ANKLE2: variants seen among roughly 807,000 people sequenced by gnomAD.
ANKLE2 encodes ankyrin repeat and LEM domain-containing protein 2.
A neutral mutation model predicts 84.2 loss-of-function variants in ANKLE2; 55 were observed. The observed-to-expected ratio is 0.65, with a 90% confidence interval of 0.53 to 0.82. The LOEUF (loss-of-function observed/expected upper bound fraction) is 0.82. Among genes scored for constraint, ANKLE2 ranks in the 40% least tolerant of loss-of-function variants. ANKLE2 has a pLI of 0.00. For synonymous variants in ANKLE2, 551 were observed against 486.1 expected (o/e 1.13, Z -1.76); for missense variants, 1,238 against 1,201.9 (o/e 1.03, Z -0.44).
rs868653360 is a variant in ANKLE2 at position 132,747,837 on chromosome 12, T to G, written c.1225A>C (p.Lys409Gln). The change falls in exon 5 of 13, where the codon AAG becomes CAG. Residue 409 changes from lysine (K) to glutamine (Q), a missense_variant. Coordinates refer to ENST00000357997, the MANE Select transcript of ANKLE2 (RefSeq NM_015114.3). ...AGTGGAGGGTGTGCACGCACCATCTTGTCGGGGGTGTTGAGGTACAGGTCC... is the reference window on the plus strand; with the variant it reads ...AGTGGAGGGTGTGCACGCACCATCTGGTCGGGGGTGTTGAGGTACAGGTCC... ...VVDLYLNTPD[K>Q]MGYDTPLHFA... 2 of 1,598,726 alleles carry G rather than the reference T, an allele frequency of 1.3e-6. No homozygotes were observed. The highest frequency in any genetic ancestry group is 3.3e-4 in the Middle Eastern group (2 of 6,002).
intron 2 of ANKLE2, among the ~76,000 whole-genome samples, chr12:132,753,371 T>C (rs1292789969): frequency 6.6e-6 from 1 of 150,868 alleles, no homozygotes; most frequent in East Asian, 1.9e-4. Flanking sequence ...TGCTGGTGTG[T>C]GCCTGTAATC....
rs929313058 is a variant in ANKLE2 at position 132,743,755 on chromosome 12, A to C, written c.1231-479T>G. Among the ~76,000 whole-genome samples the C allele has an allele frequency of 6.6e-6, 1 of 152,188 alleles. No individual in the cohort carries two copies. The highest frequency in any genetic ancestry group is 1.9e-4 in the East Asian group (1 of 5,202). ...TTCTAGCACATACCCACTTCGTGCCAAGGCTTGAGCTTAGCATACTGACCT... is the reference window on the plus strand; with the variant it reads ...TTCTAGCACATACCCACTTCGTGCCCAGGCTTGAGCTTAGCATACTGACCT... On this transcript the variant is annotated intron_variant, in intron 5 of 12. Coordinates refer to ENST00000357997, the MANE Select transcript of ANKLE2 (RefSeq NM_015114.3). This position sits in a 1 kb window ranked among gnomAD's most constrained non-coding sequence, Gnocchi z 4.1.
At chr12:132,758,849 C>T (rs2044538735) in intron 1 of ANKLE2, 1 of 152,138 alleles carries the variant, frequency 6.6e-6, no homozygotes, top group African/African-American at 2.4e-5. Context: ...ACTGGCTTTT[C>T]CTATTCAGCA....
rs202029547 is a variant in ANKLE2 at position 132,735,461 on chromosome 12, A to C, written c.1645T>G (p.Phe549Val). The C allele has an allele frequency of 3.4e-5, 55 of 1,613,990 alleles. No individual in the cohort carries two copies. In the Admixed American group the frequency reaches 4.8e-4, roughly 14 times the overall value. The change falls in exon 9 of 13, where the codon TTC becomes GTC. Residue 549 changes from phenylalanine (F) to valine (V), a missense_variant. Transcript: ENST00000357997. ...WKTPPREKAG[F>V]LHHVKKSDPE... ...TCCGACTTCTTGACGTGGTGAAGGA[A>C]GCCTGCTTTCTCTCGAGGTGGAGTT...
chr12:132,747,777 G>C, intron 5 of ANKLE2, 55 bp downstream of exon 5: 3 of 1,558,902 alleles, frequency 1.9e-6, no homozygotes, highest in Non-Finnish European at 2.6e-6. Flanking sequence ...TTCTTTTGGG[G>C]AAAGACTTTT....
intron 8 of ANKLE2, among the ~76,000 whole-genome samples, chr12:132,736,186 G>A (rs934106159): frequency 5.3e-5 from 8 of 152,154 alleles, no homozygotes; most frequent in African/African-American, 1.7e-4. Context: ...TCCTGACCTC[G>A]TGATCCACCC....
intron 10 of ANKLE2, chr12:132,731,459 G>A (rs1352549212): frequency 6.6e-6 from 1 of 152,000 alleles, no homozygotes; most frequent in Non-Finnish European, 1.5e-5. Flanking sequence ...TTTTATAAAT[G>A]AAGTGTCTTG....
In ANKLE2 at chr12:132,743,185, G is replaced by A. The variant is rs2044165900; in HGVS notation, c.1322C>T (p.Ser441Leu). 1.2e-6 allele frequency: 2 copies of A among 1,610,176 alleles called. No homozygotes were observed. Among genetic ancestry groups the A allele is most frequent in the Non-Finnish European group, 1.7e-6 (2 of 1,178,118 alleles). The change falls in exon 6 of 13, where the codon TCA becomes TTA. Residue 441 changes from serine (S) to leucine (L), a missense_variant. Ser to Leu is a moderately radical substitution (Grantham distance 145). Coordinates refer to ENST00000357997, the MANE Select transcript of ANKLE2 (RefSeq NM_015114.3). This position sits in a 1 kb window ranked among gnomAD's most constrained non-coding sequence, Gnocchi z 4.1. ...AGGTGTTTTATCATATTTATTCCTT[G>A]AGTTTTTTACAATCAAATGGTGTGA... Reference protein sequence around the residue: ...LSSHHLIVKNSRNKYDKTPED... With the variant: ...LSSHHLIVKNLRNKYDKTPED...
chr12:132,760,477 A>G (rs1446715203), intron 1 of ANKLE2: 1 of 152,022 alleles, frequency 6.6e-6, no homozygotes, highest in Non-Finnish European at 1.5e-5. Flanking sequence ...ACTGCCCCCC[A>G]CTTCCAGTGC....
rs550673728 is a variant in ANKLE2 at position 132,727,397 on chromosome 12, C to T, written c.2662G>A (p.Asp888Asn). The T allele has an allele frequency of 1.3e-6, 2 of 1,561,510 alleles. No individual in the cohort carries two copies. The highest frequency in any genetic ancestry group is 8.7e-7 in the Non-Finnish European group (1 of 1,152,722). The change falls in exon 13 of 13, where the codon GAT becomes AAT. Residue 888 changes from aspartate to asparagine, a missense_variant. Asp to Asn is a conservative substitution (Grantham distance 23). This residue lies in a region of ANKLE2 where 802 missense variants were observed against 774.5 expected (regional missense o/e 1.04). Coordinates refer to ENST00000357997, the MANE Select transcript of ANKLE2 (RefSeq NM_015114.3). ...VKGRFKSQLP[D>N]LSGPHSYSPG... ...CTGTAGCTGTGAGGGCCACTGAGAT[C>T]TGGCAGCTGAGACTTGAACCTTCCT...
At chr12:132,735,282 G>T in intron 9 of ANKLE2, 124 bp downstream of exon 9, 1 of 899,402 alleles carries the variant, frequency 1.1e-6, no homozygotes, top group South Asian at 1.4e-5. Flanking sequence ...TCACGAAAAG[G>T]ACCAAGTCTC....
At chr12:132,741,536 TATC>T in intron 6 of ANKLE2, 51 bp from the exon 7 acceptor site, 1 of 1,531,516 alleles carries the variant, frequency 6.5e-7, no homozygotes, top group Non-Finnish European at 9.0e-7. Context: ...AACATTTCCT[TATC>T]ATTACAATGA....
At chr12:132,761,367 G>C in intron 1 of ANKLE2, 2 of 318,844 alleles carry the variant, frequency 6.3e-6, no homozygotes, top group Non-Finnish European at 1.1e-5. Context: ...CCCGGAGGCT[G>C]CTCCAGGGCC....
In ANKLE2 at chr12:132,743,275, C is replaced by T; in HGVS notation, c.1232G>A (p.Gly411Asp). The change falls in exon 6 of 13, where the codon GGC becomes GAC. Residue 411 changes from glycine to aspartate, a missense_variant and splice_region_variant. Gly to Asp is a moderately conservative substitution (Grantham distance 94, BLOSUM62 -1). Transcript: ENST00000357997. The surrounding 1 kb of genome is among the most constrained non-coding windows in gnomAD (Gnocchi z 4.1). ...DLYLNTPDKM[G>D]YDTPLHFACK... ...AGCAAAATGCAACGGTGTGTCATAG[C>T]CCTGAAAAAAGGTGCAGAGGAAGTA... 1 of 1,601,400 alleles carries T rather than the reference C, an allele frequency of 6.2e-7. No homozygotes were observed. Among genetic ancestry groups the T allele is most frequent in the Non-Finnish European group, 8.5e-7 (1 of 1,173,204 alleles).
intron 6 of ANKLE2, chr12:132,741,797 C>T: frequency 2.0e-6 from 1 of 509,228 alleles, no homozygotes; most frequent in South Asian, 1.5e-5. Flanking sequence ...AGCACGTGAA[C>T]ATGTTTCTAA....
At chr12:132,752,006 A>T (rs2044367640) in intron 2 of ANKLE2, among the ~76,000 whole-genome samples, 3 of 152,218 alleles carry the variant, frequency 2.0e-5, no homozygotes, top group African/African-American at 7.2e-5. Flanking sequence ...AAAATTTATG[A>T]ACAATGTAAC....
intron 10 of ANKLE2, among the ~76,000 whole-genome samples, chr12:132,732,688 G>T (rs1431712491): frequency 1.9e-5 from 2 of 104,286 alleles, no homozygotes; most frequent in African/African-American, 7.3e-5. Context: ...AGCTCTCTGC[G>T]TCCTGGTGTC....
chr12:132,744,822 AG>A (rs1465196045), intron 5 of ANKLE2, among the ~76,000 whole-genome samples: 3 of 152,092 alleles, frequency 2.0e-5, no homozygotes, highest in Non-Finnish European at 4.4e-5. Flanking sequence ...CTGGGACTAC[AG>A]GTGCCCGCCA....
chr12:132,747,683 G>T, intron 5 of ANKLE2, 149 bp downstream of exon 5: 1 of 1,007,184 alleles, frequency 9.9e-7, no homozygotes, highest in Non-Finnish European at 1.4e-6. Flanking sequence ...AGTGGGATGT[G>T]GTAAGAAGGC....
Sources: gnomAD v4.1 joint callset for allele counts (sites outside exome capture counted in the v4.1 genomes callset) on GRCh38, gnomAD v4.1.1 for gene constraint, gnomAD v4.1.1 regional missense constraint, Gnocchi (gnomAD v3.1) non-coding constraint, MANE v1.5 for transcripts, NCBI Gene and HGNC (gene_info 2026-07-23, HGNC 2026-07-21) for gene names.